MYBPC1: variants seen among roughly 807,000 people sequenced by gnomAD.
The protein encoded by MYBPC1 is myosin binding protein C1.
Under a neutral mutation model 147.1 loss-of-function variants are expected in MYBPC1, and 52 were observed. The ratio of observed to expected loss-of-function variants is 0.35; its 90% CI spans 0.28 to 0.45. The LOEUF (loss-of-function observed/expected upper bound fraction) is 0.45. Among genes scored for constraint, MYBPC1 ranks in the 20% least tolerant of loss-of-function variants. The pLI is 1.00. For missense variants in MYBPC1, 1,228 were observed against 1,440.3 expected, an observed-to-expected ratio of 0.85 and a Z score of 2.39; for synonymous variants, 477 against 475.9, an observed-to-expected ratio of 1.00 and a Z score of -0.03.
At position 101,653,168 on chromosome 12, in the gene MYBPC1, A is replaced by G. The variant is rs1410174998; in HGVS notation, c.1687A>G (p.Ile563Val). 1.2e-6 allele frequency: 2 copies of G among 1,614,156 alleles called. No individual in the cohort carries two copies. Among genetic ancestry groups the G allele is most frequent in the East Asian group, 2.2e-5 (1 of 44,888 alleles). ...TGATGCTGACAACACAGTGACAGTG[A>G]TTGCAGGAAACAAGCTTCGTCTTGA... ...GLDADNTVTVIAGNKLRLEIP... is the reference protein window; with the variant it reads ...GLDADNTVTVVAGNKLRLEIP... The change falls in exon 18 of 32, where the codon ATT becomes GTT. Residue 563 changes from isoleucine to valine, a missense_variant. Physicochemically the swap from Ile to Val is conservative, Grantham distance 29. Transcript: ENST00000361466.
intron 18 of MYBPC1, 136 bp from the exon 19 acceptor site, chr12:101,659,536 A>G: frequency 1.1e-6 from 1 of 891,072 alleles, no homozygotes; most frequent in Non-Finnish European, 1.8e-6. Flanking sequence ...GTTACACTAT[A>G]TAGTCCACCA....
intron 27 of MYBPC1, 100 bp downstream of exon 27, chr12:101,677,494 T>C: frequency 7.3e-7 from 1 of 1,370,718 alleles, no homozygotes; most frequent in South Asian, 1.2e-5. Flanking sequence ...AAAAAAATGG[T>C]AAATGTACAT....
chr12:101,665,009 T>C (rs1311375534), intron 22 of MYBPC1, among the ~76,000 whole-genome samples: 1 of 152,176 alleles, frequency 6.6e-6, no homozygotes, highest in African/African-American at 2.4e-5. Flanking sequence ...ATAAACCTTT[T>C]GTGTATGTAT....
chr12:101,673,317 T>C, intron 24 of MYBPC1, 110 bp from the exon 25 acceptor site: 2 of 1,136,036 alleles, frequency 1.8e-6, no homozygotes, highest in Non-Finnish European at 2.6e-6. Context: ...AGGGTGGTAT[T>C]TTCCAGCCCT....
intron 16 of MYBPC1, among the ~76,000 whole-genome samples, chr12:101,651,890 C>T (rs1894543253): frequency 1.3e-5 from 2 of 152,166 alleles, no homozygotes; most frequent in African/African-American, 4.8e-5. Context: ...GCTGAGATCA[C>T]ACCACTGCAT....
intron 19 of MYBPC1, chr12:101,660,152 G>C: frequency 2.6e-6 from 1 of 389,050 alleles, no homozygotes. Context: ...AACTATCGAA[G>C]TGCATTTTTC....
chr12:101,670,437 T>C lies in MYBPC1; in HGVS notation c.2613+28T>C, dbSNP rs781594517. ...AAGAGTTCAAGGGTCGCTCTTTTTCTCTTTAGAGGGCTGGATTAGTTTAGG... is the reference window on the plus strand; with the variant it reads ...AAGAGTTCAAGGGTCGCTCTTTTTCCCTTTAGAGGGCTGGATTAGTTTAGG... On this transcript the variant is annotated intron_variant, in intron 24 of 31. Transcript: ENST00000361466. The C allele has an allele frequency of 1.2e-5, 19 of 1,570,036 alleles. No individual in the cohort carries two copies. The East Asian group carries it at 4.0e-4, about 33-fold the overall frequency.
chr12:101,636,915 T>C (rs567175448), intron 10 of MYBPC1, 187 bp downstream of exon 10: 21 of 583,260 alleles, frequency 3.6e-5, no homozygotes, highest in African/African-American at 3.6e-4. Flanking sequence ...TTTTAAAGCC[T>C]TTAACAGTTG....
In MYBPC1 at chr12:101,685,704, C is replaced by T; in HGVS notation, c.*142C>T. 1 of 1,440,224 alleles carries T rather than the reference C, an allele frequency of 6.9e-7. No homozygotes were observed. Among genetic ancestry groups the T allele is most frequent in the South Asian group, 1.2e-5 (1 of 81,088 alleles). The allele number at this position is 1,440,224 out of a possible 1,614,324, so 89.2% of individuals were successfully genotyped here. On this transcript the variant is annotated 3_prime_UTR_variant, in exon 32 of 32. Coordinates refer to ENST00000361466, the MANE Select transcript of MYBPC1 (RefSeq NM_002465.4). Reference sequence around the variant, plus strand: ...CTGAGGGAGGGCCTGGCTACTGTCTCTCTGCACTCTGCTGCTTTGAAATCT... The same window carrying T: ...CTGAGGGAGGGCCTGGCTACTGTCTTTCTGCACTCTGCTGCTTTGAAATCT...
intron 1 of MYBPC1, among the ~76,000 whole-genome samples, chr12:101,612,895 T>C (rs1884784776): frequency 6.6e-6 from 1 of 152,274 alleles, no homozygotes; most frequent in African/African-American, 2.4e-5. Context: ...CTAGTGATTC[T>C]TTCCATGATG....
intron 15 of MYBPC1, chr12:101,650,776 T>C (rs1225535399): frequency 4.3e-6 from 1 of 229,944 alleles, no homozygotes; most frequent in East Asian, 1.0e-4. Flanking sequence ...ATATAATAAA[T>C]ATGGCACTTA....
chr12:101,598,027 T>C (rs1376451027), intron 1 of MYBPC1, among the ~76,000 whole-genome samples: 3 of 151,006 alleles, frequency 2.0e-5, no homozygotes, highest in Admixed American at 6.6e-5. Flanking sequence ...TTTTTTTTTT[T>C]TTTTTTTTTT....
intron 14 of MYBPC1, 47 bp downstream of exon 14, chr12:101,648,197 T>C (rs762428381): frequency 8.5e-6 from 9 of 1,064,944 alleles, no homozygotes; most frequent in African/African-American, 3.4e-5. Context: ...GACAAAAAAA[T>C]TGGACCTTCA....
rs763770701 is a variant in MYBPC1 at position 101,677,222 on chromosome 12, T to A, written c.2950-13T>A. 6.2e-7 allele frequency: 1 copy of A among 1,610,888 alleles called. No individual in the cohort carries two copies. The highest frequency in any genetic ancestry group is 8.5e-7 in the Non-Finnish European group (1 of 1,177,548). On this transcript the variant is annotated splice_polypyrimidine_tract_variant and intron_variant, in intron 26 of 31. Coordinates refer to ENST00000361466, the MANE Select transcript of MYBPC1 (RefSeq NM_002465.4). ...GGTGATTTTCCTCCAGTTATTATTT[T>A]TTTTTCTTTTAGGAATGGTTTACTG...
At position 101,682,681 on chromosome 12, in the gene MYBPC1, C is replaced by T. The variant is rs781100522; in HGVS notation, c.3492+19C>T. ...GCAACAGGTTTAAAAAGTTTATATC[C>T]CACTGGATATTCTACTTTCCGTTCC... On this transcript the variant is annotated intron_variant, in intron 30 of 31. Coordinates refer to ENST00000361466, the MANE Select transcript of MYBPC1 (RefSeq NM_002465.4). 1 of 1,598,960 alleles carries T rather than the reference C, an allele frequency of 6.3e-7. No homozygotes were observed. Among genetic ancestry groups the T allele is most frequent in the Non-Finnish European group, 8.6e-7 (1 of 1,166,612 alleles).
At chr12:101,680,223 C>A in intron 28 of MYBPC1, 120 bp from the exon 29 acceptor site, 1 of 956,152 alleles carries the variant, frequency 1.0e-6, no homozygotes, top group Non-Finnish European at 1.6e-6. Context: ...AAAGTCTATC[C>A]TTCTCAGATG....
In MYBPC1 at chr12:101,673,549, C is replaced by T. The variant is rs759641952; in HGVS notation, c.2736C>T (p.His912=). ...TTATTAGAAAAGCAGAGAGGAGCCA[C>T]TCTGGGAAATATGATCTGCAAGTCA... The part of the protein sequence containing the change: ...IIFIRKAERS[H]SGKYDLQVKV... The change falls in exon 25 of 32, where the codon CAC becomes CAT. Residue 912 remains histidine (H), a synonymous_variant. Coordinates refer to ENST00000361466, the MANE Select transcript of MYBPC1 (RefSeq NM_002465.4). 30 of 1,614,028 alleles carry T rather than the reference C, an allele frequency of 1.9e-5. No homozygotes were observed. Among genetic ancestry groups the T allele is most frequent in the Non-Finnish European group, 2.4e-5 (28 of 1,180,012 alleles).
At chr12:101,647,434 T>C (rs940201437) in intron 13 of MYBPC1, among the ~76,000 whole-genome samples, 1 of 152,264 alleles carries the variant, frequency 6.6e-6, no homozygotes, top group Non-Finnish European at 1.5e-5. Context: ...GCATTTAGTA[T>C]CTTCTTTGCT....
At chr12:101,684,732 A>G (rs190799413) in intron 31 of MYBPC1, among the ~76,000 whole-genome samples, 2 of 152,220 alleles carry the variant, frequency 1.3e-5, no homozygotes, top group South Asian at 4.1e-4. Context: ...AGGAATGGAC[A>G]TGTACATAAG....
Sources: allele counts gnomAD v4.1 joint callset (sites outside exome capture counted in the v4.1 genomes callset), GRCh38; gene constraint gnomAD v4.1.1; transcripts MANE v1.5; gene names NCBI Gene and HGNC (gene_info 2026-07-23, HGNC 2026-07-21).